The following ZNF804B variants were observed in gnomAD, a reference collection of about 807,000 sequenced individuals.
ZNF804B encodes the protein zinc finger protein 804B.
A neutral mutation model predicts 101.4 loss-of-function variants in ZNF804B; 80 were observed. The ratio of observed to expected loss-of-function variants is 0.79; its 90% CI spans 0.66 to 0.95. The LOEUF (loss-of-function observed/expected upper bound fraction) is 0.95, where lower values mean the gene tolerates loss of function less well. Ranked by LOEUF, ZNF804B falls within the 40% of genes least tolerant of loss-of-function variation. ZNF804B has a pLI of 0.00. For synonymous variants in ZNF804B, 622 were observed against 558.8 expected, an observed-to-expected ratio of 1.11 and a Z score of -1.59; for missense variants, 1,673 against 1,561.9, an observed-to-expected ratio of 1.07 and a Z score of -1.20.
chr7:89,167,417 C>T (rs2373800), intron 1 of ZNF804B, among the ~76,000 whole-genome samples: 31,303 of 151,334 alleles, frequency 0.21, 3,452 homozygotes, highest in Middle Eastern at 0.4. Context: ...CATTCCACTC[C>T]GGGCCGAAAA....
At chr7:89,085,528 A>T (rs1358113691) in intron 1 of ZNF804B, among the ~76,000 whole-genome samples, 2 of 151,818 alleles carry the variant, frequency 1.3e-5, no homozygotes, top group African/African-American at 4.8e-5. Context: ...AATCCATGGA[A>T]CCGTGGTTAA....
At chr7:88,989,502 C>T (rs555203730) in intron 1 of ZNF804B, among the ~76,000 whole-genome samples, 1 of 152,082 alleles carries the variant, frequency 6.6e-6, no homozygotes, top group Non-Finnish European at 1.5e-5. Context: ...CAAGGAATAG[C>T]CTGAGGTGTA....
intron 1 of ZNF804B, among the ~76,000 whole-genome samples, chr7:88,791,777 C>CAT (rs1437950187): frequency 6.6e-6 from 1 of 152,088 alleles, no homozygotes; most frequent in Non-Finnish European, 1.5e-5. Context: ...TTTCCCATTA[C>CAT]ATATGTATTA....
chr7:89,035,563 G>C (rs955827246), intron 1 of ZNF804B, among the ~76,000 whole-genome samples: 1 of 152,012 alleles, frequency 6.6e-6, no homozygotes, highest in Non-Finnish European at 1.5e-5. Context: ...GAAGCAAAGT[G>C]TATGTTCCAG....
intron 1 of ZNF804B, among the ~76,000 whole-genome samples, chr7:89,007,275 G>A (rs187375985): frequency 4.6e-5 from 7 of 151,416 alleles, no homozygotes; most frequent in Non-Finnish European, 1.0e-4. Context: ...CAAAACATAA[G>A]AGGCATTTTA....
At chr7:88,831,911 T>A (rs935670970) in intron 1 of ZNF804B, among the ~76,000 whole-genome samples, 2 of 151,966 alleles carry the variant, frequency 1.3e-5, no homozygotes, top group Non-Finnish European at 2.9e-5. Context: ...GCTCTTTTTG[T>A]TCTATAGATG....
intron 1 of ZNF804B, among the ~76,000 whole-genome samples, chr7:89,215,811 G>A (rs1788884294): frequency 6.6e-6 from 1 of 151,704 alleles, no homozygotes; most frequent in Non-Finnish European, 1.5e-5. Flanking sequence ...GTGAAAACGG[G>A]AGGTGGAGCT....
chr7:89,271,583 T>G (rs1398113136), intron 2 of ZNF804B, among the ~76,000 whole-genome samples: 1 of 152,160 alleles, frequency 6.6e-6, no homozygotes, highest in African/African-American at 2.4e-5. Context: ...GCTGGCCTCA[T>G]AAAATGAGTT....
rs1791189075 is a variant in ZNF804B, at chr7:88,834,941, C to T, written c.108+74857C>T. On this transcript the variant is annotated intron_variant, in intron 1 of 3. Transcript: ENST00000333190. ...TTTGACATCTATGAAAGGCACCAGC[C>T]CTCTTTGGATTTCTGCAGCATTTTC... Among the ~76,000 whole-genome samples the T allele has an allele frequency of 2.0e-5, 3 of 151,662 alleles. No individual in the cohort carries two copies. In the South Asian group the frequency reaches 6.2e-4, roughly 31 times the overall value.
intron 1 of ZNF804B, among the ~76,000 whole-genome samples, chr7:89,002,049 CT>C (rs1788298432): frequency 6.6e-6 from 1 of 151,396 alleles, no homozygotes; most frequent in Admixed American, 6.6e-5. Context: ...ATCAAAACCA[CT>C]TTTTTGTAAT....
intron 1 of ZNF804B, among the ~76,000 whole-genome samples, chr7:89,059,128 C>T (rs896925197): frequency 3.9e-5 from 6 of 152,090 alleles, no homozygotes; most frequent in Admixed American, 6.6e-5. Context: ...ATATAAATAT[C>T]GAAATCCTGA....
chr7:89,261,298 A>G lies in ZNF804B; in HGVS notation c.249+43003A>G, dbSNP rs115364686. ...TAGACTTGTGATATTTTTAGTGGTAAATGATAAAGCAGACTAGTATATACA... is the reference window on the plus strand; with the variant it reads ...TAGACTTGTGATATTTTTAGTGGTAGATGATAAAGCAGACTAGTATATACA... On this transcript the variant is annotated intron_variant, in intron 2 of 3. Transcript: ENST00000333190. 6.1e-3 allele frequency among the ~76,000 whole-genome samples: 924 copies of G among 152,270 alleles called. 10 individuals carry two copies. Among genetic ancestry groups the G allele is most frequent in the African/African-American group, 0.021 (887 of 41,562 alleles).
chr7:89,045,736 C>G (rs528005851), intron 1 of ZNF804B, among the ~76,000 whole-genome samples: 1 of 152,260 alleles, frequency 6.6e-6, no homozygotes, highest in South Asian at 2.1e-4. Flanking sequence ...CCCTGTACCC[C>G]CAATGTATCT....
At chr7:89,286,937 C>T (rs989482819) in intron 2 of ZNF804B, among the ~76,000 whole-genome samples, 5 of 152,150 alleles carry the variant, frequency 3.3e-5, no homozygotes, top group Non-Finnish European at 7.3e-5. Flanking sequence ...CCACCTTCTC[C>T]ACTTCTTTTG....
At position 89,335,477 on chromosome 7, in the gene ZNF804B, C is replaced by G. The variant is rs148180334; in HGVS notation, c.2495C>G (p.Ser832Ter). 1.9e-6 allele frequency: 3 copies of G among 1,613,970 alleles called. No homozygotes were observed. In the East Asian group the frequency reaches 6.7e-5, roughly 36 times the overall value. The stretch of plus-strand genomic sequence containing the variant: ...AGAATCATCTATTGTGATTCTAACT[C>G]ACAGATTTCCTGTACTGGAAGCAGT... Reference protein sequence around the residue: ...STRIIYCDSNSQISCTGSSKK... With the variant: ...STRIIYCDSN Residue 832 changes from serine to a stop codon, truncating the protein, a stop_gained, in exon 4 of 4, where the codon TCA becomes TGA. Coordinates refer to ENST00000333190, the MANE Select transcript of ZNF804B (RefSeq NM_181646.5). LOFTEE classifies it high-confidence loss of function.
intron 1 of ZNF804B, among the ~76,000 whole-genome samples, chr7:88,847,829 T>C (rs1791397987): frequency 6.6e-6 from 1 of 152,138 alleles, no homozygotes; most frequent in African/African-American, 2.4e-5. Flanking sequence ...GTTGTGGTTG[T>C]TTTTCAGTAG....
At chr7:89,304,881 A>G (rs538822690) in intron 2 of ZNF804B, among the ~76,000 whole-genome samples, 1 of 152,066 alleles carries the variant, frequency 6.6e-6, no homozygotes, top group African/African-American at 2.4e-5. Context: ...TATAAAAGAG[A>G]AAAAAGAGGT....
chr7:89,211,607 T>C (rs1788805399), intron 1 of ZNF804B, among the ~76,000 whole-genome samples: 2 of 152,188 alleles, frequency 1.3e-5, no homozygotes, highest in Non-Finnish European at 1.5e-5. Context: ...CCCAGTCCTT[T>C]CCCAATTACT....
rs1321713936 is a variant in ZNF804B at position 88,942,497 on chromosome 7, A to AGTGT, written c.108+182416_108+182417insTGTG. Among the ~76,000 whole-genome samples, 271 of 113,204 alleles carry AGTGT rather than the reference A, an allele frequency of 2.4e-3. 2 individuals carry two copies. Among genetic ancestry groups the AGTGT allele is most frequent in the African/African-American group, 8.6e-3 (268 of 31,088 alleles). 74.3% of individuals were successfully genotyped at this position (113,204 alleles called of 152,430 possible). On this transcript the variant is annotated intron_variant, in intron 1 of 3. Transcript: ENST00000333190. The stretch of plus-strand genomic sequence containing the variant: ...TATGTTTTGGTATAAAAGATATTTG[A>AGTGT]GTGAGTGTGTGTGTGTGTGTGTGTG...
Sources: gnomAD v4.1 joint callset for allele counts (sites outside exome capture counted in the v4.1 genomes callset) on GRCh38, gnomAD v4.1.1 for gene constraint, MANE v1.5 for transcripts, NCBI Gene and HGNC (gene_info 2026-07-23, HGNC 2026-07-21) for gene names.